The following DLG2 variants were observed in gnomAD, a reference collection of about 807,000 sequenced individuals.
DLG2 encodes the protein discs large MAGUK scaffold protein 2, also known as disks large homolog 2.
Under a neutral mutation model 132.5 loss-of-function variants are expected in DLG2, and 45 were observed. That is an observed-to-expected ratio of 0.34 (90% confidence interval 0.27 to 0.44). The LOEUF (loss-of-function observed/expected upper bound fraction) is 0.44. Ranked by LOEUF, DLG2 falls within the 20% of genes least tolerant of loss-of-function variation. The pLI is 1.00. For synonymous variants in DLG2, 424 were observed against 419.6 expected (o/e 1.01, Z -0.13); for missense variants, 1,045 against 1,196.9 (o/e 0.87, Z 1.87).
chr11:85,178,809 C>T (rs1249597912), intron 4 of DLG2, among the ~76,000 whole-genome samples: 1 of 151,714 alleles, frequency 6.6e-6, no homozygotes, highest in African/African-American at 2.4e-5. Flanking sequence ...CCCCTCAGAA[C>T]ACAACACTAA....
intron 3 of DLG2, among the ~76,000 whole-genome samples, chr11:85,550,540 T>C (rs1442474716): frequency 6.6e-6 from 1 of 152,206 alleles, no homozygotes; most frequent in Non-Finnish European, 1.5e-5. Flanking sequence ...CTGAAGTGCC[T>C]GGTGGATTCA....
At chr11:85,269,789 C>T (rs1232976511) in intron 4 of DLG2, among the ~76,000 whole-genome samples, 1 of 152,110 alleles carries the variant, frequency 6.6e-6, no homozygotes, top group Non-Finnish European at 1.5e-5. Context: ...TGTCCAGGAA[C>T]ATAATCTATC....
chr11:84,902,280 C>T (rs1411663481), intron 6 of DLG2, among the ~76,000 whole-genome samples: 3 of 152,070 alleles, frequency 2.0e-5, no homozygotes, highest in African/African-American at 7.2e-5. Context: ...AACTCTGGCT[C>T]TTGTTTAGTC....
intron 6 of DLG2, among the ~76,000 whole-genome samples, chr11:84,637,129 G>T (rs896430546): frequency 6.6e-6 from 1 of 152,158 alleles, no homozygotes; most frequent in African/African-American, 2.4e-5. Context: ...ACCATTATGT[G>T]AAGTGTGGTA....
chr11:83,837,808 T>C (rs947305271), intron 16 of DLG2, among the ~76,000 whole-genome samples: 2 of 152,086 alleles, frequency 1.3e-5, no homozygotes, highest in African/African-American at 4.8e-5. Flanking sequence ...AGCCAGTTTG[T>C]TGCCTCCTTT....
chr11:84,721,225 G>A (rs1410690118), intron 6 of DLG2, among the ~76,000 whole-genome samples: 2 of 152,180 alleles, frequency 1.3e-5, no homozygotes, highest in Non-Finnish European at 2.9e-5. Context: ...GGGGCAGAGG[G>A]CCAGCAAAGA....
chr11:85,055,459 C>G (rs2063354286), intron 6 of DLG2, among the ~76,000 whole-genome samples: 1 of 152,138 alleles, frequency 6.6e-6, no homozygotes, highest in Non-Finnish European at 1.5e-5. Context: ...ATCTTTTCCC[C>G]TCAGCTCATT....
chr11:84,767,293 T>C (rs971763553), intron 6 of DLG2, among the ~76,000 whole-genome samples: 1 of 152,072 alleles, frequency 6.6e-6, no homozygotes, highest in South Asian at 2.1e-4. Flanking sequence ...AATAAAATTA[T>C]CAGCTTCTAA....
Position 83,965,358 on chromosome 11 carries a change from C to T in DLG2, c.1167G>A (p.Met389Ile). The change falls in exon 13 of 28, where the codon ATG becomes ATA. Residue 389 changes from methionine to isoleucine, a missense_variant. Around this residue, in one of 4 missense-constraint regions of DLG2, gnomAD observed 261 missense variants for 256.1 expected, o/e 1.02. Transcript: ENST00000376104. ...TATCAGGTGGACCATAAGGATCAGT[C>T]ATATAAATGGTAGTGGGTTTGCCAA... The part of the protein sequence containing the change: ...LKVGKPTTIY[M>I]TDPYGPPDIT... 1 of 1,612,044 alleles carries T rather than the reference C, an allele frequency of 6.2e-7. No homozygotes were observed. The highest frequency in any genetic ancestry group is 8.5e-7 in the Non-Finnish European group (1 of 1,178,726).
chr11:83,686,955 G>A (rs966797420), intron 18 of DLG2, among the ~76,000 whole-genome samples: 2 of 152,116 alleles, frequency 1.3e-5, no homozygotes, highest in African/African-American at 2.4e-5. Flanking sequence ...ACTGGAATAC[G>A]GTGGGCCACT....
chr11:84,561,939 T>C (rs1306042321), intron 6 of DLG2, among the ~76,000 whole-genome samples: 1 of 152,150 alleles, frequency 6.6e-6, no homozygotes, highest in Non-Finnish European at 1.5e-5. Flanking sequence ...CTAGATAATT[T>C]AGCCTTGCAC....
intron 4 of DLG2, among the ~76,000 whole-genome samples, chr11:85,191,722 T>A (rs2080589098): frequency 6.6e-6 from 1 of 151,700 alleles, no homozygotes; most frequent in African/African-American, 2.4e-5. Context: ...TTTCTGGGAG[T>A]TTTTTCCTCC....
At chr11:85,399,934 A>C (rs1412375570) in intron 3 of DLG2, among the ~76,000 whole-genome samples, 2 of 152,186 alleles carry the variant, frequency 1.3e-5, no homozygotes, top group Non-Finnish European at 1.5e-5. Flanking sequence ...GACCAATGGG[A>C]TCTAATTAAA....
chr11:84,654,129 A>T (rs974599451), intron 6 of DLG2, among the ~76,000 whole-genome samples: 1 of 152,124 alleles, frequency 6.6e-6, no homozygotes, highest in African/African-American at 2.4e-5. Context: ...TTTTCTGAAG[A>T]TCCAAAAGCT....
chr11:84,434,914 T>C (rs115518300), intron 7 of DLG2, among the ~76,000 whole-genome samples: 4,484 of 112,466 alleles, frequency 0.04, 117 homozygotes, highest in South Asian at 0.18. Context: ...AACTGTCACC[T>C]ACTGAAAAAA....
intron 6 of DLG2, among the ~76,000 whole-genome samples, chr11:84,789,951 G>A (rs1391927890): frequency 6.6e-6 from 1 of 152,110 alleles, no homozygotes; most frequent in African/African-American, 2.4e-5. Flanking sequence ...ACTCCATTGT[G>A]TATATGTACC....
intron 3 of DLG2, among the ~76,000 whole-genome samples, chr11:85,404,007 C>T (rs561091300): frequency 6.6e-6 from 1 of 152,002 alleles, no homozygotes; most frequent in East Asian, 1.9e-4. Flanking sequence ...CTAACTTGCA[C>T]ATTTTAAGTT....
chr11:84,183,823 G>A lies in DLG2; in HGVS notation c.574-20312C>T, dbSNP rs898402712. Among the ~76,000 whole-genome samples the A allele has an allele frequency of 3.3e-3, 504 of 152,252 alleles. 3 individuals are homozygous for A. The highest frequency in any genetic ancestry group is 0.012 in the African/African-American group (492 of 41,528). ...TCCCACCTATGAATGAGAACATGTG[G>A]TGCTTGGTTTTTTGTCCTTGTGATA... On this transcript the variant is annotated intron_variant, in intron 8 of 27. Coordinates refer to ENST00000376104, the MANE Select transcript of DLG2 (RefSeq NM_001142699.3).
chr11:85,527,375 T>C (rs1024990467), intron 3 of DLG2, among the ~76,000 whole-genome samples: 2 of 151,998 alleles, frequency 1.3e-5, no homozygotes, highest in African/African-American at 2.4e-5. Flanking sequence ...GGCTCTGGTG[T>C]GTGATGTCCC....
Sources: allele counts gnomAD v4.1 joint callset (sites outside exome capture counted in the v4.1 genomes callset), GRCh38; gene constraint gnomAD v4.1.1; regional missense constraint gnomAD v4.1.1; transcripts MANE v1.5; gene names NCBI Gene and HGNC (gene_info 2026-07-23, HGNC 2026-07-21).